PAPPA: variants seen among roughly 807,000 people sequenced by gnomAD.
PAPPA encodes the protein pappalysin-1.
In PAPPA, 60 loss-of-function variants were observed where a neutral mutation model predicts 164.0. The ratio of observed to expected loss-of-function variants is 0.37; its 90% confidence interval spans 0.30 to 0.45. The LOEUF (loss-of-function observed/expected upper bound fraction) is 0.45, where lower values mean the gene tolerates loss of function less well. PAPPA is among the 20% of genes least tolerant of loss of function. The pLI is 1.00. For synonymous variants in PAPPA, 875 were observed against 814.1 expected, an observed-to-expected ratio of 1.07 and a Z score of -1.27; for missense variants, 1,782 against 2,087.3, an observed-to-expected ratio of 0.85 and a Z score of 2.85.
At chr9:116,219,840 G>C (rs1303376077) in intron 4 of PAPPA, 97 bp from the exon 5 acceptor site, 1 of 961,190 alleles carries the variant, frequency 1.0e-6, no homozygotes, top group Non-Finnish European at 1.6e-6. Context: ...GAACGACTTG[G>C]GTGCTGACTC....
intron 5 of PAPPA, among the ~76,000 whole-genome samples, chr9:116,225,663 GAATATT>G (rs925982479): frequency 6.6e-6 from 1 of 152,018 alleles, no homozygotes; most frequent in Non-Finnish European, 1.5e-5. Flanking sequence ...TCTTATCACT[GAATATT>G]AATATTAGTG....
chr9:116,228,486 AAAG>A (rs1844544483), intron 6 of PAPPA, among the ~76,000 whole-genome samples: 1 of 152,170 alleles, frequency 6.6e-6, no homozygotes, highest in South Asian at 2.1e-4. Context: ...ATATTTTTAG[AAAG>A]AAGGTTGAAA....
At chr9:116,233,821 T>A (rs997490692) in intron 6 of PAPPA, among the ~76,000 whole-genome samples, 1 of 152,116 alleles carries the variant, frequency 6.6e-6, no homozygotes, top group Admixed American at 6.6e-5. Context: ...AAGATCTTTT[T>A]TTTTTCTTAT....
chr9:116,351,252 G>A (rs928644281), intron 15 of PAPPA, among the ~76,000 whole-genome samples: 13 of 152,148 alleles, frequency 8.5e-5, no homozygotes, highest in African/African-American at 3.1e-4. Context: ...AGTATCTGGT[G>A]CAGAATAAGC....
chr9:116,169,343 G>T (rs2118585711), intron 1 of PAPPA, among the ~76,000 whole-genome samples: 2 of 30,066 alleles, frequency 6.7e-5, no homozygotes, highest in African/African-American at 7.0e-5. Flanking sequence ...TTTTTGAGAT[G>T]GAGTCTCACT....
chr9:116,199,731 G>T (rs894243820), intron 2 of PAPPA, among the ~76,000 whole-genome samples: 1 of 152,084 alleles, frequency 6.6e-6, no homozygotes, highest in Admixed American at 6.5e-5. Flanking sequence ...ATTTACAAAG[G>T]AAAGAGATTT....
intron 21 of PAPPA, 129 bp downstream of exon 21, chr9:116,382,622 C>A: frequency 1.6e-6 from 1 of 616,250 alleles, no homozygotes; most frequent in Non-Finnish European, 2.9e-6. Flanking sequence ...CGCTTTATTT[C>A]TTTTTTTAAT....
chr9:116,327,549 G>A (rs1845936339), intron 10 of PAPPA, among the ~76,000 whole-genome samples: 1 of 150,150 alleles, frequency 6.7e-6, no homozygotes, highest in Non-Finnish European at 1.5e-5. Context: ...ACATTGCTCA[G>A]CAATGCTTTA....
intron 21 of PAPPA, among the ~76,000 whole-genome samples, chr9:116,389,019 C>A (rs1442677505): frequency 6.6e-6 from 1 of 152,118 alleles, no homozygotes; most frequent in African/African-American, 2.4e-5. Flanking sequence ...TGGAGAGCAA[C>A]CTTCTTAGCA....
intron 17 of PAPPA, among the ~76,000 whole-genome samples, chr9:116,357,525 G>C (rs1023911114): frequency 2.0e-5 from 3 of 152,198 alleles, no homozygotes; most frequent in African/African-American, 7.2e-5. Context: ...CCCGGGGAGG[G>C]TAAGTTCTTG....
intron 9 of PAPPA, among the ~76,000 whole-genome samples, chr9:116,279,457 C>T (rs530863845): frequency 3.3e-5 from 5 of 152,066 alleles, no homozygotes; most frequent in African/African-American, 1.2e-4. Context: ...GGAGGCCTAC[C>T]CCACAGAGAG....
intron 2 of PAPPA, among the ~76,000 whole-genome samples, chr9:116,202,665 C>A (rs1342288597): frequency 6.6e-6 from 1 of 152,078 alleles, no homozygotes; most frequent in African/African-American, 2.4e-5. Flanking sequence ...CAACATTTTC[C>A]AAACTTTGTT....
At chr9:116,382,182 A>T (rs1008301266) in intron 20 of PAPPA, among the ~76,000 whole-genome samples, 2 of 152,158 alleles carry the variant, frequency 1.3e-5, no homozygotes, top group African/African-American at 4.8e-5. Context: ...ACTGGGTAAG[A>T]GTCTTTATGA....
intron 6 of PAPPA, among the ~76,000 whole-genome samples, chr9:116,229,696 G>A (rs1416659704): frequency 6.6e-6 from 1 of 152,184 alleles, no homozygotes. Flanking sequence ...AGACCTGCAT[G>A]TCATAAAGAT....
chr9:116,211,877 C>A lies in PAPPA; in HGVS notation c.1863C>A (p.Thr621=), dbSNP rs372341237. 6.2e-7 allele frequency: 1 copy of A among 1,614,020 alleles called. No homozygotes were observed. The highest frequency in any genetic ancestry group is 1.7e-5 in the Admixed American group (1 of 60,002). ...GTGACCCAGGGCCAGGAAATGACAC[C>A]TGTGGCTTTCATAGCTTCTTCAACA... ...SCGDPGPGND[T]CGFHSFFNTP... The change falls in exon 4 of 22, where the codon ACC becomes ACA. Residue 621 remains threonine (T), a synonymous_variant. Coordinates refer to ENST00000328252, the MANE Select transcript of PAPPA (RefSeq NM_002581.5).
intron 19 of PAPPA, among the ~76,000 whole-genome samples, chr9:116,370,503 TAAC>T (rs1238396263): frequency 6.8e-6 from 1 of 146,656 alleles, no homozygotes; most frequent in Non-Finnish European, 1.5e-5. Context: ...GGCAAATAGT[TAAC>T]AACTGGCTCT....
At chr9:116,365,980 A>C (rs1357064532) in intron 18 of PAPPA, among the ~76,000 whole-genome samples, 1 of 152,124 alleles carries the variant, frequency 6.6e-6, no homozygotes, top group Non-Finnish European at 1.5e-5. Flanking sequence ...TGTCATGTAC[A>C]TATGTATATT....
At chr9:116,215,104 A>G (rs1277490711) in intron 4 of PAPPA, among the ~76,000 whole-genome samples, 1 of 152,204 alleles carries the variant, frequency 6.6e-6, no homozygotes, top group African/African-American at 2.4e-5. Context: ...TAGGGCCACT[A>G]AAGATGACAG....
At chr9:116,247,221 A>G (rs1477052416) in intron 7 of PAPPA, among the ~76,000 whole-genome samples, 4 of 152,186 alleles carry the variant, frequency 2.6e-5, no homozygotes, top group African/African-American at 9.7e-5. Flanking sequence ...TGACATATTA[A>G]TATCAATTCT....
Sources: gnomAD v4.1 joint callset for allele counts (sites outside exome capture counted in the v4.1 genomes callset) on GRCh38, gnomAD v4.1.1 for gene constraint, MANE v1.5 for transcripts, NCBI Gene and HGNC (gene_info 2026-07-23, HGNC 2026-07-21) for gene names.